The following ZNF711 variants were observed in gnomAD, a reference collection of about 807,000 sequenced individuals.
The protein encoded by ZNF711 is ZFX family zinc finger ZNF711, also known as zinc finger protein 711.
In ZNF711, 3 loss-of-function variants were observed where a neutral mutation model predicts 43.5. The ratio of observed to expected loss-of-function variants is 0.07; its 90% CI spans 0.03 to 0.18. The LOEUF (loss-of-function observed/expected upper bound fraction) is 0.18. ZNF711 is among the 10% of genes least tolerant of loss of function. The pLI, the probability that ZNF711 is intolerant of heterozygous loss-of-function variation, is 1.00. For missense variants in ZNF711, 412 were observed against 604.0 expected (o/e 0.68, Z 3.33); for synonymous variants, 209 against 207.7 (o/e 1.01, Z -0.06).
rs368788919 is a variant in ZNF711 at position 85,271,113 on chromosome X, T to C, written c.1709T>C (p.Met570Thr). 40 of 1,208,889 alleles carry C rather than the reference T, an allele frequency of 3.3e-5. No homozygotes were observed. Among genetic ancestry groups the C allele is most frequent in the Non-Finnish European group, 4.4e-5 (39 of 894,591 alleles). Residue 570 changes from methionine (M) to threonine (T), a missense_variant, in exon 11 of 11, where the codon ATG (methionine) becomes ACG (threonine). Met to Thr is a moderately conservative substitution (Grantham distance 81). Around this residue, in one of 4 missense-constraint regions of ZNF711, gnomAD observed 375 missense variants for 514.2 expected, o/e 0.73. Coordinates refer to ENST00000674551, the MANE Select transcript of ZNF711 (RefSeq NM_001330574.2). The stretch of plus-strand genomic sequence containing the variant: ...CATCCTTCTGAACTCAAGAAACATA[T>C]GAGAACCCATACTGGTGAGAAGCCA... ...FRHPSELKKH[M>T]RTHTGEKPYQ...
At chrX:85,245,845 A>G (rs1450028385) in intron 1 of ZNF711, 58 bp from the exon 2 acceptor site, 1 of 112,066 alleles carries the variant, frequency 8.9e-6, no homozygotes, top group Admixed American at 9.4e-5. Flanking sequence ...TAAGTTGTGT[A>G]AGAAACTTAG....
At chrX:85,253,635 C>G (rs1407955718) in intron 4 of ZNF711, among the ~76,000 whole-genome samples, 1 of 110,371 alleles carries the variant, frequency 9.1e-6, no homozygotes. Context: ...AACATATATT[C>G]GTGTGTGTGT....
intron 9 of ZNF711, among the ~76,000 whole-genome samples, chrX:85,268,999 T>G (rs1299349340): frequency 4.5e-5 from 5 of 111,829 alleles, no homozygotes; most frequent in African/African-American, 1.6e-4. Context: ...AGGTCTACAT[T>G]TTTTAGCTAA....
intron 7 of ZNF711, among the ~76,000 whole-genome samples, chrX:85,266,592 T>A (rs2147860903): frequency 9.0e-6 from 1 of 110,713 alleles, no homozygotes; most frequent in East Asian, 2.9e-4. Context: ...CAAGACAATT[T>A]TCTATTTAAC....
chrX:85,259,587 AG>A (rs1228889386), intron 5 of ZNF711, among the ~76,000 whole-genome samples: 1 of 110,973 alleles, frequency 9.0e-6, no homozygotes, highest in Non-Finnish European at 1.9e-5. Flanking sequence ...AGTGTTTTAT[AG>A]TACTCCTCGT....
At position 85,248,472 on chromosome X, in the gene ZNF711, C is replaced by CAAAAAA. The variant is rs1166126484; in HGVS notation, c.79+841_79+846dup. On this transcript the variant is annotated intron_variant, in intron 4 of 10. Transcript: ENST00000674551. ...CTGGTGACAGAATGAGACTCAGTCT[C>CAAAAAA]AAAAAAAAAAAAAAAAAAAAAAAAA... is the stretch of plus-strand genomic sequence containing the variant. Among the ~76,000 whole-genome samples, 3 of 19,960 alleles carry CAAAAAA rather than the reference C, an allele frequency of 1.5e-4. 1 individual carries two copies. The East Asian group carries it at 5.8e-3, about 39-fold the overall frequency. The allele number at this position is 19,960 out of a possible 115,157, so 17.3% of individuals were successfully genotyped here. A position where few individuals can be genotyped will look rare whatever the true frequency, so the allele number is the denominator to read the frequency against.
At chrX:85,266,551 C>T (rs1931115131) in intron 7 of ZNF711, among the ~76,000 whole-genome samples, 1 of 110,243 alleles carries the variant, frequency 9.1e-6, no homozygotes, top group African/African-American at 3.3e-5. Context: ...TCCAGGATCC[C>T]AGTATGTGAA....
chrX:85,253,507 T>TAA (rs1416731155), intron 4 of ZNF711, among the ~76,000 whole-genome samples: 1 of 111,406 alleles, frequency 9.0e-6, no homozygotes, highest in Non-Finnish European at 1.9e-5. Flanking sequence ...ACCCTTTACT[T>TAA]ACCTTCCTGT....
chrX:85,256,667 C>T (rs1930171866), intron 5 of ZNF711, among the ~76,000 whole-genome samples: 1 of 110,136 alleles, frequency 9.1e-6, no homozygotes, highest in South Asian at 3.8e-4. Context: ...ATAAAGTGAT[C>T]GTATGTATAT....
In ZNF711 at chrX:85,271,194, A is replaced by C; in HGVS notation, c.1790A>C (p.His597Pro). 2 of 1,209,742 alleles carry C rather than the reference A, an allele frequency of 1.7e-6. No homozygotes were observed. The highest frequency in any genetic ancestry group is 1.1e-6 in the Non-Finnish European group (1 of 894,543). ...RCADQSNLKT[H>P]IKSKHGNNLP... ...GCAGATCAATCAAATCTGAAAACTC[A>C]CATTAAGTCTAAACATGGTAACAAT... is the stretch of plus-strand genomic sequence containing the variant. The change falls in exon 11 of 11, where the codon CAC becomes CCC. Residue 597 changes from histidine to proline, a missense_variant. By Grantham distance (77) the His-to-Pro change is moderately conservative. Coordinates refer to ENST00000674551, the MANE Select transcript of ZNF711 (RefSeq NM_001330574.2).
At chrX:85,250,651 G>T (rs1219650605) in intron 4 of ZNF711, among the ~76,000 whole-genome samples, 2 of 111,093 alleles carry the variant, frequency 1.8e-5, no homozygotes, top group African/African-American at 3.3e-5. Flanking sequence ...TAAATCAATG[G>T]CAGTTAAATT....
In ZNF711 at chrX:85,270,235, C is replaced by T. The variant is rs1603005439; in HGVS notation, c.1246+89C>T. The T allele has an allele frequency of 9.3e-6, 9 of 967,466 alleles. No homozygotes were observed. In the South Asian group the frequency reaches 1.1e-4, roughly 12 times the overall value. The allele number at this position is 967,466 out of a possible 1,213,427, so 79.7% of individuals were successfully genotyped here. A position where few individuals can be genotyped will look rare whatever the true frequency, so the allele number is the denominator to read the frequency against. Reference sequence around the variant, plus strand: ...AGAAAAATATCGATGGTTTACTTGGCAGTTCTACTCTCCATGTACCTGTTT... The same window carrying T: ...AGAAAAATATCGATGGTTTACTTGGTAGTTCTACTCTCCATGTACCTGTTT... On this transcript the variant is annotated intron_variant, in intron 10 of 10. Transcript: ENST00000674551.
rs1057516016 is a variant in ZNF711, at chrX:85,272,016, A to G, written c.*188A>G. Reference sequence around the variant, plus strand: ...ATAGCCCTTTGAAAATTACTTAAAGAATTTAAGAAGCACTATAGAATGGTT... The same window carrying G: ...ATAGCCCTTTGAAAATTACTTAAAGGATTTAAGAAGCACTATAGAATGGTT... On this transcript the variant is annotated 3_prime_UTR_variant, in exon 11 of 11. Transcript: ENST00000674551. 9.0e-6 allele frequency: 4 copies of G among 444,135 alleles called. No homozygotes were observed. Among genetic ancestry groups the G allele is most frequent in the Non-Finnish European group, 1.6e-5 (4 of 257,378 alleles). The allele number at this position is 444,135 out of a possible 1,213,427, so 36.6% of individuals were successfully genotyped here. A position where few individuals can be genotyped will look rare whatever the true frequency, so the allele number is the denominator to read the frequency against.
In ZNF711 at chrX:85,271,276, A is replaced by G. The variant is rs758229899; in HGVS notation, c.1872A>G (p.Gln624=). ...PQAFGDEREL[Q]RHLDLFQGHK... ...CATTTGGTGATGAGAGGGAGCTTCAACGCCATCTGGATTTGTTTCAAGGAC... is the reference window on the plus strand; with the variant it reads ...CATTTGGTGATGAGAGGGAGCTTCAGCGCCATCTGGATTTGTTTCAAGGAC... The change falls in exon 11 of 11, where the codon CAA becomes CAG. Residue 624 remains glutamine, a synonymous_variant. Coordinates refer to ENST00000674551, the MANE Select transcript of ZNF711 (RefSeq NM_001330574.2). The G allele has an allele frequency of 5.8e-6, 7 of 1,210,207 alleles. No individual in the cohort carries two copies. Among genetic ancestry groups the G allele is most frequent in the South Asian group, 1.8e-5 (1 of 56,771 alleles).
At chrX:85,244,495 G>C (rs1013674570) in intron 1 of ZNF711, among the ~76,000 whole-genome samples, 1 of 111,351 alleles carries the variant, frequency 9.0e-6, no homozygotes, top group Admixed American at 9.4e-5. Context: ...TAGGGTGACG[G>C]TAAAATGGCG....
In ZNF711 at chrX:85,262,793, A is replaced by G. The variant is rs1036391281; in HGVS notation, c.623-1482A>G. Among the ~76,000 whole-genome samples, 11 of 110,536 alleles carry G rather than the reference A, an allele frequency of 1.0e-4. No homozygotes were observed. In the Admixed American group the frequency reaches 1.1e-3, roughly 11 times the overall value. ...ATCACAAAGTTAAAGTAGCTCTGCA[A>G]TGTAAAAATAATTTTTAATATGTGT... On this transcript the variant is annotated intron_variant, in intron 5 of 10. Transcript: ENST00000674551.
chrX:85,268,266 G>GTAT, intron 8 of ZNF711, 28 bp from the exon 9 acceptor site: 2 of 890,619 alleles, frequency 2.2e-6, no homozygotes, highest in Non-Finnish European at 1.5e-6. Flanking sequence ...TTTGTAATTG[G>GTAT]TCTTTTTTTT....
chrX:85,255,931 A>C, intron 5 of ZNF711, 130 bp downstream of exon 5: 1 of 604,115 alleles, frequency 1.7e-6, no homozygotes, highest in East Asian at 3.6e-5. Flanking sequence ...TTTTTGAAGC[A>C]GTGTCATTAA....
chrX:85,264,803 CTG>C (rs1930959400), intron 6 of ZNF711, among the ~76,000 whole-genome samples: 1 of 110,432 alleles, frequency 9.1e-6, no homozygotes, highest in African/African-American at 3.3e-5. Flanking sequence ...CCCCTTCTGT[CTG>C]TTTCCTCATC....
Sources: allele counts gnomAD v4.1 joint callset (sites outside exome capture counted in the v4.1 genomes callset), GRCh38; gene constraint gnomAD v4.1.1; regional missense constraint gnomAD v4.1.1; transcripts MANE v1.5; gene names NCBI Gene and HGNC (gene_info 2026-07-23, HGNC 2026-07-21).